MTUS1: variants seen among roughly 807,000 people sequenced by gnomAD.
MTUS1 encodes the protein microtubule-associated tumor suppressor 1.
Under a neutral mutation model 120.8 loss-of-function variants are expected in MTUS1, and 109 were observed. That is an observed-to-expected ratio of 0.90 (90% confidence interval 0.77 to 1.06). MTUS1 has a LOEUF of 1.06. MTUS1 is among the 50% of genes least tolerant of loss of function. MTUS1 has a pLI of 0.00. For missense variants in MTUS1, 2,210 were observed against 1,486.3 expected, an observed-to-expected ratio of 1.49 and a Z score of -8.01; for synonymous variants, 737 against 550.5, an observed-to-expected ratio of 1.34 and a Z score of -4.74.
intron 6 of MTUS1, among the ~76,000 whole-genome samples, chr8:17,688,512 C>G (rs1312924807): frequency 3.3e-5 from 5 of 152,334 alleles, no homozygotes; most frequent in Admixed American, 3.3e-4. Context: ...GTTATGAACT[C>G]AGAAGCTAGT....
chr8:17,651,127 A>G (rs1263313768), intron 12 of MTUS1, among the ~76,000 whole-genome samples: 1 of 152,130 alleles, frequency 6.6e-6, no homozygotes, highest in Non-Finnish European at 1.5e-5. Flanking sequence ...AGGGACTAAT[A>G]CATCTTTAAT....
intron 3 of MTUS1, among the ~76,000 whole-genome samples, chr8:17,739,459 AC>A (rs1322082404): frequency 1.4e-5 from 2 of 139,152 alleles, no homozygotes; most frequent in Non-Finnish European, 3.2e-5. Flanking sequence ...CGTCAATTGC[AC>A]TCCAGCCTGG....
At chr8:17,659,763 G>A (rs1007162232) in intron 8 of MTUS1, among the ~76,000 whole-genome samples, 4 of 152,168 alleles carry the variant, frequency 2.6e-5, no homozygotes, top group African/African-American at 4.8e-5. Flanking sequence ...ATTTTTAGGT[G>A]TATGATTCAG....
chr8:17,720,643 A>C (rs1697914945), intron 4 of MTUS1, among the ~76,000 whole-genome samples: 1 of 152,176 alleles, frequency 6.6e-6, no homozygotes. Context: ...AACATCGCAA[A>C]GTTATACACT....
intron 6 of MTUS1, among the ~76,000 whole-genome samples, chr8:17,703,429 C>T (rs545999244): frequency 1.3e-5 from 2 of 151,942 alleles, no homozygotes; most frequent in Admixed American, 1.3e-4. Context: ...GTCAGGAGAT[C>T]GAGACCATCC....
chr8:17,699,930 C>G (rs1332317480), intron 6 of MTUS1, among the ~76,000 whole-genome samples: 1 of 151,892 alleles, frequency 6.6e-6, no homozygotes, highest in Non-Finnish European at 1.5e-5. Context: ...TGGGGGGAGC[C>G]AAGATAAAAA....
Position 17,754,213 on chromosome 8 carries a change from G to C in MTUS1, c.1595C>G (p.Pro532Arg). Residue 532 changes from proline (P) to arginine (R), a missense_variant, in exon 2 of 15, where the codon CCC (proline) becomes CGC (arginine). Pro to Arg is a moderately radical substitution (Grantham distance 103). Transcript: ENST00000693296. ...PKDAALSKVT[P>R]RPQQTSASSP... ...TGAGGCACTGGTCTGCTGAGGTCTG[G>C]GCGTGACCTTTGATAAAGCAGCATC... 2 of 1,613,954 alleles carry C rather than the reference G, an allele frequency of 1.2e-6. No homozygotes were observed. Among genetic ancestry groups the C allele is most frequent in the Non-Finnish European group, 1.7e-6 (2 of 1,180,012 alleles).
In MTUS1 at chr8:17,655,869, T is replaced by C. The variant is rs190192395; in HGVS notation, c.3102A>G (p.Gln1034=). The change falls in exon 9 of 15, where the codon CAA becomes CAG. Residue 1034 remains glutamine (Q), a synonymous_variant. Coordinates refer to ENST00000693296, the MANE Select transcript of MTUS1 (RefSeq NM_001363059.2). ...EEAEKYKMQL[Q]EQFDNLNAAH... ...TGGCTGCAAAAGCACAGACCTGCTC[T>C]TGCAATTGCATTTTGTACTTCTCTG... is the stretch of plus-strand genomic sequence containing the variant. 5.7e-5 allele frequency: 92 copies of C among 1,614,198 alleles called. No individual in the cohort carries two copies. In the East Asian group the frequency reaches 1.8e-3, roughly 32 times the overall value.
At chr8:17,665,021 C>T (rs966200767) in intron 8 of MTUS1, among the ~76,000 whole-genome samples, 1 of 152,160 alleles carries the variant, frequency 6.6e-6, no homozygotes, top group Non-Finnish European at 1.5e-5. Context: ...ACCTGTTCTG[C>T]CAACAGTATA....
Position 17,754,932 on chromosome 8 carries a change from T to G in MTUS1, c.876A>C (p.Leu292=). ...RLVGEKETQA[L]TPVSDGMEVP... is the part of the protein sequence containing the mutation. ...CTTCCATGCCATCAGAAACTGGTGT[T>G]AGTGCTTGTGTCTCCTTTTCTCCAA... The change falls in exon 2 of 15, where the codon CTA becomes CTC. Residue 292 remains leucine, a synonymous_variant. Transcript: ENST00000693296. The G allele has an allele frequency of 6.2e-7, 1 of 1,614,128 alleles. No homozygotes were observed. The highest frequency in any genetic ancestry group is 1.3e-5 in the African/African-American group (1 of 75,064).
chr8:17,793,341 C>A (rs755588051), intron 1 of MTUS1, among the ~76,000 whole-genome samples: 1 of 152,138 alleles, frequency 6.6e-6, no homozygotes. Context: ...TGAGGGTAAA[C>A]TACCTTCCCT....
chr8:17,667,051 T>C lies in MTUS1; in HGVS notation c.2905+8135A>G, dbSNP rs28507936. ...TTAGGAAAATCCCAAGTTGAGAGAC[T>C]GGAGTTAGGACAAGGAACAGGACAA... On this transcript the variant is annotated intron_variant, in intron 8 of 14. Transcript: ENST00000693296. Among the ~76,000 whole-genome samples the C allele has an allele frequency of 8.0e-3, 1,215 of 152,256 alleles. 17 individuals are homozygous for C. Among genetic ancestry groups the C allele is most frequent in the African/African-American group, 0.028 (1,161 of 41,548 alleles).
At chr8:17,661,695 A>G (rs994592630) in intron 8 of MTUS1, among the ~76,000 whole-genome samples, 5 of 149,314 alleles carry the variant, frequency 3.3e-5, no homozygotes, top group Admixed American at 6.7e-5. Flanking sequence ...TGAAGAGAGG[A>G]CACATGGGAA....
chr8:17,728,992 A>G (rs1053996462), intron 3 of MTUS1, among the ~76,000 whole-genome samples: 1 of 152,246 alleles, frequency 6.6e-6, no homozygotes, highest in Non-Finnish European at 1.5e-5. Flanking sequence ...TATGGCACAC[A>G]AGTGGCAAGG....
In MTUS1 at chr8:17,741,756, T is replaced by A. The variant is rs192171345; in HGVS notation, c.2287+1848A>T. 1.3e-3 allele frequency among the ~76,000 whole-genome samples: 204 copies of A among 152,282 alleles called. 1 individual carries two copies. The highest frequency in any genetic ancestry group is 0.01 in the Middle Eastern group (3 of 294). On this transcript the variant is annotated intron_variant, in intron 3 of 14. Transcript: ENST00000693296. ...TTCTGGGATTCAAGCCCCACGAAAT[T>A]CAGAGAATCATACCAGTAACAGCAG...
Position 17,668,611 on chromosome 8 carries a change from C to G in MTUS1, c.2905+6575G>C, listed in dbSNP as rs538636248. ...CAGCTCTCCTTTATGACTATGCATTCCTAAAGGACAATTATCTTTTCTTTT... is the reference window on the plus strand; with the variant it reads ...CAGCTCTCCTTTATGACTATGCATTGCTAAAGGACAATTATCTTTTCTTTT... On this transcript the variant is annotated intron_variant, in intron 8 of 14. Coordinates refer to ENST00000693296, the MANE Select transcript of MTUS1 (RefSeq NM_001363059.2). Among the ~76,000 whole-genome samples, 11 of 152,190 alleles carry G rather than the reference C, an allele frequency of 7.2e-5. 1 individual carries two copies. In the South Asian group the frequency reaches 2.3e-3, roughly 32 times the overall value.
intron 2 of MTUS1, among the ~76,000 whole-genome samples, chr8:17,751,862 T>TAA (rs56362055): frequency 2.8e-4 from 27 of 96,538 alleles, no homozygotes; most frequent in African/African-American, 3.4e-4. Flanking sequence ...GACTCTGCCT[T>TAA]AAAAAAAAAA....
intron 3 of MTUS1, among the ~76,000 whole-genome samples, chr8:17,742,787 T>G (rs1263186746): frequency 6.6e-6 from 1 of 152,220 alleles, no homozygotes; most frequent in Non-Finnish European, 1.5e-5. Context: ...TTCTGGGATT[T>G]GCTCGCTTTC....
intron 8 of MTUS1, among the ~76,000 whole-genome samples, chr8:17,656,804 G>T (rs1283582220): frequency 6.6e-6 from 1 of 151,812 alleles, no homozygotes; most frequent in South Asian, 2.1e-4. Flanking sequence ...GGGCGCGGTG[G>T]CTCACGCCTG....
Sources: gnomAD v4.1 joint callset for allele counts (sites outside exome capture counted in the v4.1 genomes callset) on GRCh38, gnomAD v4.1.1 for gene constraint, MANE v1.5 for transcripts, NCBI Gene and HGNC (gene_info 2026-07-23, HGNC 2026-07-21) for gene names.